KIF6: variants seen among roughly 807,000 people sequenced by gnomAD.
KIF6 encodes kinesin family member 6, also known as kinesin-like protein KIF6.
Under a neutral mutation model 112.7 loss-of-function variants are expected in KIF6, and 106 were observed. That is an observed-to-expected ratio of 0.94 (90% CI 0.80 to 1.11). The LOEUF (loss-of-function observed/expected upper bound fraction) is 1.11, where lower values mean the gene tolerates loss of function less well. Ranked by LOEUF, KIF6 falls within the 50% of genes least tolerant of loss-of-function variation. The pLI, the probability that KIF6 is intolerant of heterozygous loss-of-function variation, is 0.00. For missense variants in KIF6, 929 were observed against 964.0 expected (o/e 0.96, Z 0.48); for synonymous variants, 339 against 339.9 (o/e 1.00, Z 0.03).
Position 39,333,532 on chromosome 6 carries a change from G to A in KIF6, c.*3000C>T, listed in dbSNP as rs894117081. ...ATCCCAAGAGAGATCACTGGAGCAA[G>A]AGGCAAGCTCAACCATGAGAGCACA... On this transcript the variant is annotated 3_prime_UTR_variant, in exon 23 of 23. Transcript: ENST00000287152. 6.6e-6 allele frequency: 1 copy of A among 152,252 alleles called. No individual in the cohort carries two copies. The highest frequency in any genetic ancestry group is 1.5e-5 in the Non-Finnish European group (1 of 68,066). 9.4% of individuals were successfully genotyped at this position (152,252 alleles called of 1,614,324 possible). A position where few individuals can be genotyped will look rare whatever the true frequency, so the allele number is the denominator to read the frequency against.
At chr6:39,674,159 T>C (rs919908969) in intron 3 of KIF6, among the ~76,000 whole-genome samples, 7 of 152,170 alleles carry the variant, frequency 4.6e-5, no homozygotes, top group Non-Finnish European at 8.8e-5. Context: ...TTTACTGACA[T>C]ATATTTTAGG....
intron 13 of KIF6, among the ~76,000 whole-genome samples, chr6:39,470,290 A>G (rs939329568): frequency 6.6e-6 from 1 of 152,208 alleles, no homozygotes; most frequent in Admixed American, 6.5e-5. Flanking sequence ...GAAAAAACCA[A>G]TGCAGTAACA....
rs1427974953 is a variant in KIF6, at chr6:39,332,454, C to G, written c.*4078G>C. 1 of 152,164 alleles carries G rather than the reference C, an allele frequency of 6.6e-6. No individual in the cohort carries two copies. Among genetic ancestry groups the G allele is most frequent in the Non-Finnish European group, 1.5e-5 (1 of 68,032 alleles). The allele number at this position is 152,164 out of a possible 1,614,324, so 9.4% of individuals were successfully genotyped here. ...AAGTTACTTGGAAACTTACTGGAAA[C>G]AATTTGACTCCTTTGGGGCTGGCTT... On this transcript the variant is annotated 3_prime_UTR_variant, in exon 23 of 23. Coordinates refer to ENST00000287152, the MANE Select transcript of KIF6 (RefSeq NM_145027.6).
chr6:39,442,577 C>T (rs1373974631), intron 13 of KIF6, among the ~76,000 whole-genome samples: 1 of 152,184 alleles, frequency 6.6e-6, no homozygotes, highest in Non-Finnish European at 1.5e-5. Flanking sequence ...AGCAACGTTT[C>T]CATTAAATAA....
intron 15 of KIF6, among the ~76,000 whole-genome samples, chr6:39,396,753 C>T (rs1214531218): frequency 6.6e-6 from 1 of 152,126 alleles, no homozygotes; most frequent in South Asian, 2.1e-4. Flanking sequence ...CAGTGCCTGG[C>T]ACATTGTAGG....
intron 5 of KIF6, among the ~76,000 whole-genome samples, chr6:39,619,985 C>T (rs748525860): frequency 8.5e-5 from 13 of 152,142 alleles, no homozygotes; most frequent in African/African-American, 3.1e-4. Flanking sequence ...CCATCAATGG[C>T]GCCCAAATCT....
At chr6:39,447,663 T>G (rs187236575) in intron 13 of KIF6, among the ~76,000 whole-genome samples, 2 of 152,054 alleles carry the variant, frequency 1.3e-5, no homozygotes, top group African/African-American at 4.8e-5. Context: ...AAAAAAATAC[T>G]CTTTTAACAA....
At chr6:39,353,262 A>T (rs549673394) in intron 19 of KIF6, among the ~76,000 whole-genome samples, 6 of 152,278 alleles carry the variant, frequency 3.9e-5, no homozygotes, top group African/African-American at 1.4e-4. Flanking sequence ...TATTTTAGCC[A>T]TTCTAATATG....
At chr6:39,590,447 A>ATTTTTTT (rs1432756577) in intron 7 of KIF6, among the ~76,000 whole-genome samples, 2 of 114,372 alleles carry the variant, frequency 1.7e-5, no homozygotes, top group African/African-American at 7.8e-5. Context: ...ATATATATAT[A>ATTTTTTT]TATATTTTTT....
intron 5 of KIF6, among the ~76,000 whole-genome samples, 190 bp downstream of exon 5, chr6:39,634,659 A>G (rs974642266): frequency 3.3e-5 from 5 of 152,098 alleles, no homozygotes; most frequent in South Asian, 2.1e-4. Flanking sequence ...GTTTCAGGCA[A>G]TTTTAGTTCC....
chr6:39,399,139 G>A (rs1038754218), intron 15 of KIF6, among the ~76,000 whole-genome samples: 45 of 152,204 alleles, frequency 3.0e-4, no homozygotes, highest in African/African-American at 1.0e-3. Context: ...AATCTCATGA[G>A]CCAATGCCTC....
chr6:39,670,740 G>A (rs1306055681), intron 3 of KIF6, among the ~76,000 whole-genome samples: 4 of 152,126 alleles, frequency 2.6e-5, no homozygotes, highest in Non-Finnish European at 5.9e-5. Flanking sequence ...TGCTCTAGGT[G>A]TTGCCTTTAG....
chr6:39,537,098 T>C (rs1363195800), intron 13 of KIF6, among the ~76,000 whole-genome samples: 189 of 151,638 alleles, frequency 1.2e-3, no homozygotes, highest in Admixed American at 2.9e-3. Context: ...GACAAACCCA[T>C]AGCCAATATC....
intron 14 of KIF6, among the ~76,000 whole-genome samples, chr6:39,430,023 T>C (rs764966342): frequency 2.0e-5 from 3 of 152,242 alleles, no homozygotes; most frequent in Non-Finnish European, 2.9e-5. Flanking sequence ...GCAAAATCTC[T>C]GTACACTTCC....
chr6:39,404,181 T>C (rs1390006060), intron 15 of KIF6, among the ~76,000 whole-genome samples: 1 of 152,074 alleles, frequency 6.6e-6, no homozygotes, highest in Admixed American at 6.5e-5. Flanking sequence ...TTTTGATAAA[T>C]CTGATTTATT....
intron 15 of KIF6, among the ~76,000 whole-genome samples, chr6:39,418,410 CT>C (rs2150362259): frequency 6.6e-6 from 1 of 152,110 alleles, no homozygotes; most frequent in East Asian, 1.9e-4. Context: ...ATTGTAAAAC[CT>C]TTTGTGATAC....
intron 17 of KIF6, among the ~76,000 whole-genome samples, chr6:39,361,026 C>T (rs1378047942): frequency 6.6e-6 from 1 of 152,122 alleles, no homozygotes; most frequent in Non-Finnish European, 1.5e-5. Context: ...GTTCTAGAAC[C>T]ACAGTCTTAA....
intron 14 of KIF6, among the ~76,000 whole-genome samples, 163 bp from the exon 15 acceptor site, chr6:39,420,166 G>GA (rs1486945071): frequency 6.6e-6 from 1 of 152,088 alleles, no homozygotes; most frequent in Non-Finnish European, 1.5e-5. Flanking sequence ...AAAATAGAGA[G>GA]AAAATTGGTA....
intron 15 of KIF6, among the ~76,000 whole-genome samples, chr6:39,388,432 G>C (rs1767601970): frequency 6.6e-6 from 1 of 152,086 alleles, no homozygotes; most frequent in African/African-American, 2.4e-5. Context: ...GGGAACAAAA[G>C]GTGGGTCTTT....
Sources: allele counts gnomAD v4.1 joint callset (sites outside exome capture counted in the v4.1 genomes callset), GRCh38; gene constraint gnomAD v4.1.1; transcripts MANE v1.5; gene names NCBI Gene and HGNC (gene_info 2026-07-23, HGNC 2026-07-21).